The following PAX2 variants were observed in gnomAD, a reference collection of about 807,000 sequenced individuals.
The protein encoded by PAX2 is paired box protein Pax-2.
In PAX2, 9 loss-of-function variants were observed where a neutral mutation model predicts 41.7. The observed-to-expected ratio is 0.22, with a 90% CI of 0.13 to 0.38. PAX2 has a LOEUF of 0.38. Ranked by LOEUF, PAX2 falls within the 10% of genes least tolerant of loss-of-function variation. The pLI is 1.00. For missense variants in PAX2, 418 were observed against 531.6 expected (o/e 0.79, Z 2.10); for synonymous variants, 221 against 212.7 (o/e 1.04, Z -0.34).
rs948485390 is a variant in PAX2 at position 100,791,640 on chromosome 10, C to T, written c.616+10275C>T. Among the ~76,000 whole-genome samples the T allele has an allele frequency of 9.2e-5, 14 of 152,166 alleles. No homozygotes were observed. Among genetic ancestry groups the T allele is most frequent in the East Asian group, 1.9e-4 (1 of 5,194 alleles). On this transcript the variant is annotated intron_variant, in intron 5 of 9. Transcript: ENST00000355243. The surrounding 1 kb of genome is among the most constrained non-coding windows in gnomAD (Gnocchi z 4.5). ...AGCCAGTGACAGAGGGAGAGATGCG[C>T]GGACACACTCACACACCCTTGCTGG...
chr10:100,737,218 C>G (rs1393107248), intron 1 of PAX2, among the ~76,000 whole-genome samples: 1 of 152,208 alleles, frequency 6.6e-6, no homozygotes, highest in Non-Finnish European at 1.5e-5. Flanking sequence ...CAGCAAGTCT[C>G]CCAGCAAGGC....
intron 3 of PAX2, among the ~76,000 whole-genome samples, chr10:100,761,075 A>G (rs1845825384): frequency 6.6e-6 from 1 of 152,200 alleles, no homozygotes; most frequent in Non-Finnish European, 1.5e-5. Context: ...GGTAGAAGAG[A>G]GAGTGCAGAA....
At chr10:100,811,308 T>G (rs1847982290) in intron 7 of PAX2, among the ~76,000 whole-genome samples, 1 of 152,270 alleles carries the variant, frequency 6.6e-6, no homozygotes, top group Non-Finnish European at 1.5e-5. Flanking sequence ...TTGTTGATTT[T>G]ATGTCCTCCT....
chr10:100,767,643 A>G (rs11190692), intron 3 of PAX2, among the ~76,000 whole-genome samples: 23,921 of 152,108 alleles, frequency 0.16, 2,420 homozygotes, highest in Middle Eastern at 0.32. Context: ...AAGCAATTTT[A>G]ATATTTCTTC....
Position 100,745,662 on chromosome 10 carries a change from C to A in PAX2, c.-599C>A. The A allele has an allele frequency of 1.3e-6, 1 of 785,200 alleles. No individual in the cohort carries two copies. Among genetic ancestry groups the A allele is most frequent in the Non-Finnish European group, 1.6e-6 (1 of 636,082 alleles). The allele number at this position is 785,200 out of a possible 1,614,324, so 48.6% of individuals were successfully genotyped here. ...GCCAGCGCCGCTCGGCTCCCTCCCT[C>A]CCTCCCGGCCCTTCGGCCGCGGCGG... On this transcript the variant is annotated 5_prime_UTR_variant, in exon 1 of 10. Coordinates refer to ENST00000355243, the MANE Select transcript of PAX2 (RefSeq NM_000278.5).
At chr10:100,816,520 A>G (rs1360541195) in intron 7 of PAX2, among the ~76,000 whole-genome samples, 2 of 152,214 alleles carry the variant, frequency 1.3e-5, no homozygotes, top group Non-Finnish European at 2.9e-5. Context: ...ACAGGTATGT[A>G]TTGGTACCAA....
In PAX2 at chr10:100,748,334, T is replaced by G. The variant is rs1845284196; in HGVS notation, c.44-1412T>G. The G allele has an allele frequency of 4.1e-6, 4 of 977,938 alleles. No homozygotes were observed. Among genetic ancestry groups the G allele is most frequent in the Admixed American group, 6.3e-5 (1 of 15,754 alleles). 60.6% of individuals were successfully genotyped at this position (977,938 alleles called of 1,614,324 possible). A position where few individuals can be genotyped will look rare whatever the true frequency, so the allele number is the denominator to read the frequency against. On this transcript the variant is annotated intron_variant, in intron 1 of 9. Transcript: ENST00000355243. This position sits in a 1 kb window ranked among gnomAD's most constrained non-coding sequence, Gnocchi z 5.0. ...GCTAGAGATAGGGAGATTAACGGGG[T>G]GGGCAAGGGGGTAAAAGAAGGGGCT...
At chr10:100,745,320 C>G (rs1356587744), upstream of PAX2, among the ~76,000 whole-genome samples, 8 of 151,726 alleles carry the variant, frequency 5.3e-5, no homozygotes. Flanking sequence ...CCGCTCCCCT[C>G]CCTCCCTCTT....
intron 5 of PAX2, among the ~76,000 whole-genome samples, chr10:100,793,122 C>T (rs1009352252): frequency 6.6e-6 from 1 of 152,184 alleles, no homozygotes; most frequent in Admixed American, 6.5e-5. Flanking sequence ...TGGTTCTGGC[C>T]CCTGCTGGAG....
rs1845375770 is a variant in PAX2 at position 100,750,022 on chromosome 10, G to T, written c.212+108G>T. ...AAAGTCCAGCGTGCCAAGCCAGAGA[G>T]GGAGATCCCCAAAGGGGTCTGGAGA... is the stretch of plus-strand genomic sequence containing the variant. On this transcript the variant is annotated intron_variant, in intron 2 of 9. Coordinates refer to ENST00000355243, the MANE Select transcript of PAX2 (RefSeq NM_000278.5). The surrounding 1 kb of genome is among the most constrained non-coding windows in gnomAD (Gnocchi z 4.1). 1 of 1,305,048 alleles carries T rather than the reference G, an allele frequency of 7.7e-7. No homozygotes were observed. Among genetic ancestry groups the T allele is most frequent in the Admixed American group, 2.0e-5 (1 of 49,786 alleles). The allele number at this position is 1,305,048 out of a possible 1,614,324, so 80.8% of individuals were successfully genotyped here.
At chr10:100,803,680 T>A (rs1847650736) in intron 5 of PAX2, among the ~76,000 whole-genome samples, 1 of 151,316 alleles carries the variant, frequency 6.6e-6, no homozygotes, top group Non-Finnish European at 1.5e-5. Flanking sequence ...GGGGTGGGGG[T>A]TCTCCGCATG....
chr10:100,747,237 G>T (rs1171058782), intron 1 of PAX2: 2 of 152,250 alleles, frequency 1.3e-5, no homozygotes, highest in Non-Finnish European at 2.9e-5. Flanking sequence ...TGGCCAGGGG[G>T]TCAGCAAAGA....
chr10:100,787,179 G>T (rs1846902638), intron 5 of PAX2, among the ~76,000 whole-genome samples: 1 of 152,132 alleles, frequency 6.6e-6, no homozygotes, highest in South Asian at 2.1e-4. Flanking sequence ...TCAGGGCCTG[G>T]ATTACTTCCG....
At chr10:100,804,172 G>A (rs1198319718) in intron 5 of PAX2, among the ~76,000 whole-genome samples, 2 of 151,932 alleles carry the variant, frequency 1.3e-5, no homozygotes, top group Non-Finnish European at 2.9e-5. Context: ...CGCAAATTTA[G>A]AGTGACAGAT....
intron 8 of PAX2, among the ~76,000 whole-genome samples, chr10:100,825,400 G>A (rs1848514761): frequency 6.6e-6 from 1 of 152,174 alleles, no homozygotes; most frequent in Non-Finnish European, 1.5e-5. Context: ...CCTAATCAGA[G>A]GAGTTGGGTT....
At chr10:100,735,902 C>T (rs1176734107) in intron 1 of PAX2, among the ~76,000 whole-genome samples, 4 of 152,226 alleles carry the variant, frequency 2.6e-5, no homozygotes, top group African/African-American at 9.6e-5. Flanking sequence ...GCCTCCTGGG[C>T]CGTCCCTCCC....
intron 1 of PAX2, among the ~76,000 whole-genome samples, chr10:100,739,478 G>C (rs1175288420): frequency 6.6e-6 from 1 of 152,158 alleles, no homozygotes; most frequent in African/African-American, 2.4e-5. Flanking sequence ...CGGTAGATTT[G>C]GTGCCGGCTC....
intron 3 of PAX2, among the ~76,000 whole-genome samples, chr10:100,772,547 T>A (rs1846253161): frequency 6.6e-6 from 1 of 152,238 alleles, no homozygotes; most frequent in South Asian, 2.1e-4. Context: ...TTCGTCTGGC[T>A]TAGTGGGCAA....
chr10:100,783,782 G>A (rs543641285), intron 5 of PAX2, among the ~76,000 whole-genome samples: 5 of 151,660 alleles, frequency 3.3e-5, no homozygotes, highest in African/African-American at 9.7e-5. Flanking sequence ...CCATGTTGCA[G>A]GAAGCAGTGA....
Sources: gnomAD v4.1 joint callset for allele counts (sites outside exome capture counted in the v4.1 genomes callset) on GRCh38, gnomAD v4.1.1 for gene constraint, Gnocchi (gnomAD v3.1) non-coding constraint, MANE v1.5 for transcripts, NCBI Gene and HGNC (gene_info 2026-07-23, HGNC 2026-07-21) for gene names.